The following GDPD5 variants were observed in gnomAD, a reference collection of about 807,000 sequenced individuals.
The protein encoded by GDPD5 is glycerophosphodiester phosphodiesterase domain containing 5.
GDPD5 carries 48 observed loss-of-function variants against 75.1 expected under a neutral mutation model. The ratio of observed to expected loss-of-function variants is 0.64; its 90% confidence interval spans 0.51 to 0.81. GDPD5 has a LOEUF of 0.81. Among genes scored for constraint, GDPD5 ranks in the 40% least tolerant of loss-of-function variants. The pLI is 0.00. For missense variants in GDPD5, 706 were observed against 822.6 expected (o/e 0.86, Z 1.73); for synonymous variants, 336 against 339.0 (o/e 0.99, Z 0.10).
chr11:75,442,294 G>T, intron 12 of GDPD5, 69 bp downstream of exon 12: 1 of 1,202,478 alleles, frequency 8.3e-7, no homozygotes, highest in South Asian at 1.4e-5. Context: ...AACAGGGAAA[G>T]GCTATGCAGC....
intron 3 of GDPD5, among the ~76,000 whole-genome samples, chr11:75,471,823 G>A (rs1173668892): frequency 6.6e-6 from 1 of 152,146 alleles, no homozygotes. Context: ...GAGACAGCAT[G>A]GCTTTATTGC....
At chr11:75,447,120 T>C (rs58745525) in intron 9 of GDPD5, among the ~76,000 whole-genome samples, 1,577 of 152,170 alleles carry the variant, frequency 0.01, 30 homozygotes, top group African/African-American at 0.035. Context: ...TGACCTCAGG[T>C]GATCTGCCTG....
intron 15 of GDPD5, chr11:75,437,704 G>A (rs1403043334): frequency 1.3e-5 from 2 of 152,540 alleles, no homozygotes; most frequent in Non-Finnish European, 2.9e-5. Context: ...TGCAAGGTGG[G>A]GGTAAAATTA....
intron 9 of GDPD5, among the ~76,000 whole-genome samples, chr11:75,446,139 A>G (rs535523): frequency 0.54 from 82,441 of 151,878 alleles, 23,876 homozygotes; most frequent in East Asian, 0.8. Context: ...ACAGGGGTCC[A>G]CGCTCCCTGC....
intron 1 of GDPD5, among the ~76,000 whole-genome samples, chr11:75,509,743 G>C (rs536369810): frequency 6.6e-6 from 1 of 152,112 alleles, no homozygotes; most frequent in African/African-American, 2.4e-5. Context: ...GCAGTGGCAC[G>C]ATCTCAGCTC....
intron 1 of GDPD5, among the ~76,000 whole-genome samples, chr11:75,499,219 A>G (rs1950262242): frequency 1.3e-5 from 2 of 151,970 alleles, no homozygotes; most frequent in South Asian, 4.2e-4. Flanking sequence ...GCAGCAGAAC[A>G]TGCACTTGAA....
intron 1 of GDPD5, among the ~76,000 whole-genome samples, chr11:75,513,256 A>G (rs1469914702): frequency 2.0e-5 from 3 of 152,158 alleles, no homozygotes; most frequent in African/African-American, 7.2e-5. Context: ...AATCATGAAA[A>G]CTATTACATG....
intron 2 of GDPD5, among the ~76,000 whole-genome samples, chr11:75,487,974 A>G (rs1385664101): frequency 6.6e-6 from 1 of 152,234 alleles, no homozygotes; most frequent in African/African-American, 2.4e-5. Flanking sequence ...CCTGGATTTC[A>G]GACTGCTAAG....
chr11:75,449,836 G>A, intron 7 of GDPD5, 49 bp downstream of exon 7: 1 of 1,568,778 alleles, frequency 6.4e-7, no homozygotes. Flanking sequence ...AAAGGGAAGT[G>A]ACAGAAAGGC....
rs190533189 is a variant in GDPD5, at chr11:75,504,681, G to A, written c.-144-14361C>T. 5.4e-4 allele frequency among the ~76,000 whole-genome samples: 82 copies of A among 152,308 alleles called. No homozygotes were observed. The East Asian group carries it at 5.8e-3, about 11-fold the overall frequency. On this transcript the variant is annotated intron_variant, in intron 1 of 16. Coordinates refer to ENST00000336898, the MANE Select transcript of GDPD5 (RefSeq NM_030792.8). Reference sequence around the variant, plus strand: ...AGAGGGAGAAATGGGGAGTAGTTGTGTAATAGGTATAGAGTCTCAGTTTTG... The same window carrying A: ...AGAGGGAGAAATGGGGAGTAGTTGTATAATAGGTATAGAGTCTCAGTTTTG...
At chr11:75,491,306 T>G (rs888824909) in intron 1 of GDPD5, among the ~76,000 whole-genome samples, 17 of 152,202 alleles carry the variant, frequency 1.1e-4, no homozygotes, top group Admixed American at 1.1e-3. Flanking sequence ...ACTTTACAGT[T>G]TATTAAACAT....
At chr11:75,436,007 T>G (rs748879912) in intron 16 of GDPD5, among the ~76,000 whole-genome samples, 3 of 152,104 alleles carry the variant, frequency 2.0e-5, no homozygotes, top group Non-Finnish European at 1.5e-5. Flanking sequence ...CTGGCTCAAG[T>G]CTTCTCATCT....
intron 1 of GDPD5, chr11:75,517,208 A>C (rs1281357360): frequency 6.6e-6 from 1 of 152,228 alleles, no homozygotes; most frequent in Non-Finnish European, 1.5e-5. Flanking sequence ...TAATCCCAGC[A>C]CTTTGGGAGG....
intron 1 of GDPD5, among the ~76,000 whole-genome samples, chr11:75,495,071 T>C (rs1289090086): frequency 6.6e-6 from 1 of 151,858 alleles, no homozygotes; most frequent in Non-Finnish European, 1.5e-5. Context: ...CTCGAGACCA[T>C]TCTGGCTAAC....
chr11:75,505,456 C>T (rs890095438), intron 1 of GDPD5, among the ~76,000 whole-genome samples: 5 of 152,188 alleles, frequency 3.3e-5, no homozygotes, highest in Admixed American at 1.3e-4. Flanking sequence ...CCACTCACTG[C>T]ATGACCTTGG....
intron 1 of GDPD5, among the ~76,000 whole-genome samples, chr11:75,498,915 T>C (rs1950258022): frequency 6.6e-6 from 1 of 152,086 alleles, no homozygotes; most frequent in South Asian, 2.1e-4. Flanking sequence ...AGCCCTAGGG[T>C]ATGACTTACA....
intron 3 of GDPD5, 111 bp downstream of exon 3, chr11:75,477,508 A>C: frequency 1.9e-6 from 1 of 537,042 alleles, no homozygotes; most frequent in Non-Finnish European, 3.2e-6. Context: ...CAGAAAGGCC[A>C]TTGGCCTGTC....
chr11:75,437,177 T>G, intron 15 of GDPD5, 129 bp from the exon 16 acceptor site: 1 of 663,798 alleles, frequency 1.5e-6, no homozygotes, highest in Non-Finnish European at 2.6e-6. Flanking sequence ...CACTGTACAA[T>G]GGGGAAATAG....
intron 2 of GDPD5, among the ~76,000 whole-genome samples, chr11:75,478,367 A>C (rs943871707): frequency 5.3e-5 from 8 of 152,100 alleles, no homozygotes; most frequent in South Asian, 2.1e-4. Flanking sequence ...GCTGGTCTCG[A>C]ACTCCTGACA....
Sources: allele counts gnomAD v4.1 joint callset (sites outside exome capture counted in the v4.1 genomes callset), GRCh38; gene constraint gnomAD v4.1.1; transcripts MANE v1.5; gene names NCBI Gene and HGNC (gene_info 2026-07-23, HGNC 2026-07-21).